The following THNSL1 variants were observed in gnomAD, a reference collection of about 807,000 sequenced individuals.
THNSL1 encodes threonine synthase-like 1.
THNSL1 carries 48 observed loss-of-function variants against 50.4 expected under a neutral mutation model. The observed-to-expected ratio is 0.95, with a 90% confidence interval of 0.76 to 1.21. The LOEUF (loss-of-function observed/expected upper bound fraction) is 1.21. Ranked by LOEUF, THNSL1 falls within the 50% of genes most tolerant of loss-of-function variation. The pLI, the probability that THNSL1 is intolerant of heterozygous loss-of-function variation, is 0.00. For synonymous variants in THNSL1, 309 were observed against 306.1 expected, an observed-to-expected ratio of 1.01 and a Z score of -0.10; for missense variants, 896 against 871.7, an observed-to-expected ratio of 1.03 and a Z score of -0.35.
the THNSL1 span, among the ~76,000 whole-genome samples, chr10:24,953,059 CG>C: frequency 6.6e-6 from 1 of 152,006 alleles, no homozygotes; most frequent in Non-Finnish European, 1.5e-5. Context: ...ATTTCATGCA[CG>C]CGATTGTCCC....
At chr10:24,983,565 A>T in the THNSL1 span, 1 of 152,340 alleles carries the variant, frequency 6.6e-6, no homozygotes, top group Non-Finnish European at 1.5e-5. Context: ...CCCTAAGTTA[A>T]TAAAGGAATA....
At chr10:24,988,651 T>A in the THNSL1 span, among the ~76,000 whole-genome samples, 1 of 75,502 alleles carries the variant, frequency 1.3e-5, no homozygotes, top group Non-Finnish European at 2.5e-5. Flanking sequence ...AAATGTAGAG[T>A]GACACAGCAT....
At chr10:24,965,249 C>A in the THNSL1 span, among the ~76,000 whole-genome samples, 5 of 152,138 alleles carry the variant, frequency 3.3e-5, no homozygotes, top group Admixed American at 3.3e-4. Context: ...ATGAGAACAA[C>A]TGCAATTGAT....
chr10:25,024,842 T>G lies in THNSL1; in HGVS notation c.1619T>G (p.Leu540Trp). The G allele has an allele frequency of 6.2e-7, 1 of 1,614,140 alleles. No individual in the cohort carries two copies. The highest frequency in any genetic ancestry group is 8.5e-7 in the Non-Finnish European group (1 of 1,180,036). The change falls in exon 3 of 3, where the codon TTG becomes TGG. Residue 540 changes from leucine (L) to tryptophan (W), a missense_variant. By Grantham distance (61) the Leu-to-Trp change is moderately conservative (BLOSUM62 -2). Transcript: ENST00000376356. ...TGTGCCTCTAATCAGAACCATGTTT[T>G]GACTGATTTTATAAAAACAGGACAT... ...FICASNQNHV[L>W]TDFIKTGHYD...
the THNSL1 span, among the ~76,000 whole-genome samples, chr10:24,986,069 G>A: frequency 6.6e-6 from 1 of 152,060 alleles, no homozygotes; most frequent in African/African-American, 2.4e-5. Flanking sequence ...GACCCTGCCT[G>A]AAAACAAAAA....
At chr10:25,004,831 T>G in the THNSL1 span, among the ~76,000 whole-genome samples, 1 of 152,244 alleles carries the variant, frequency 6.6e-6, no homozygotes, top group Non-Finnish European at 1.5e-5. Context: ...ATTAAATCTT[T>G]GCCCGTGCCT....
At chr10:24,969,241 A>G in the THNSL1 span, among the ~76,000 whole-genome samples, 1 of 152,208 alleles carries the variant, frequency 6.6e-6, no homozygotes, top group Non-Finnish European at 1.5e-5. Context: ...TCAGTCCTTA[A>G]GTAAGCCCAT....
chr10:24,960,362 C>A, the THNSL1 span, among the ~76,000 whole-genome samples: 27 of 152,154 alleles, frequency 1.8e-4, no homozygotes, highest in Non-Finnish European at 3.4e-4. Flanking sequence ...CATTAAGAGT[C>A]CTATGGGTTG....
At chr10:24,988,718 A>ATATATG in the THNSL1 span, among the ~76,000 whole-genome samples, 40 of 47,706 alleles carry the variant, frequency 8.4e-4, 2 homozygotes, top group African/African-American at 3.9e-3. Context: ...ATATATATAT[A>ATATATG]TATATATATT....
At chr10:25,020,280 A>C (rs201486928) in intron 1 of THNSL1, among the ~76,000 whole-genome samples, 7 of 82,376 alleles carry the variant, frequency 8.5e-5, no homozygotes, top group East Asian at 4.4e-4. Flanking sequence ...ATATCTATAT[A>C]TATCTACCCC....
chr10:25,003,241 G>A, the THNSL1 span, among the ~76,000 whole-genome samples: 3 of 151,294 alleles, frequency 2.0e-5, no homozygotes, highest in African/African-American at 7.3e-5. Flanking sequence ...GAGTGCAGTG[G>A]TGTTGCCCAG....
chr10:25,016,494 G>C (rs1850578771), upstream of THNSL1, among the ~76,000 whole-genome samples: 1 of 152,222 alleles, frequency 6.6e-6, no homozygotes, highest in African/African-American at 2.4e-5. Context: ...GAGGACGCAA[G>C]GCCAGCGCCG....
Position 25,025,324 on chromosome 10 carries a change from T to C in THNSL1, c.2101T>C (p.Leu701=). The C allele has an allele frequency of 1.9e-6, 3 of 1,614,182 alleles. No homozygotes were observed. Among genetic ancestry groups the C allele is most frequent in the Non-Finnish European group, 2.5e-6 (3 of 1,180,028 alleles). ...CTATTTGCTGGGTTCATACAATGCA[T>C]TACCTCCACTGCATGAGGCTTTATT... ...QLYLLGSYNA[L]PPLHEALLER... The change falls in exon 3 of 3, where the codon TTA becomes CTA. Residue 701 remains leucine (L), a synonymous_variant. Transcript: ENST00000376356.
At chr10:24,954,182 A>G in the THNSL1 span, among the ~76,000 whole-genome samples, 1 of 152,200 alleles carries the variant, frequency 6.6e-6, no homozygotes, top group African/African-American at 2.4e-5. Context: ...GAAAAGTGCT[A>G]TCATTAGGAT....
chr10:24,954,889 T>A, the THNSL1 span, among the ~76,000 whole-genome samples: 1 of 152,334 alleles, frequency 6.6e-6, no homozygotes, highest in South Asian at 2.1e-4. Context: ...GTCCAAGGCT[T>A]TATTCTTAAT....
the THNSL1 span, among the ~76,000 whole-genome samples, chr10:24,968,271 C>G: frequency 6.6e-6 from 1 of 152,142 alleles, no homozygotes; most frequent in Non-Finnish European, 1.5e-5. Flanking sequence ...TGACATCAGT[C>G]CTTCTCCAGG....
chr10:24,972,222 AC>A, the THNSL1 span, among the ~76,000 whole-genome samples: 16 of 147,494 alleles, frequency 1.1e-4, no homozygotes, highest in African/African-American at 3.5e-4. Context: ...AAAAGATTAC[AC>A]TAGGCCGGGA....
chr10:25,024,767 T>C lies in THNSL1; in HGVS notation c.1544T>C (p.Leu515Ser), dbSNP rs1244093655. ...CIPTGNFGNILAAVYAKMMGI... is the reference protein window; with the variant it reads ...CIPTGNFGNISAAVYAKMMGI... ...CCCACAGGAAACTTTGGTAACATTT[T>C]AGCAGCAGTGTATGCCAAAATGATG... The change falls in exon 3 of 3, where the codon TTA (leucine) becomes TCA (serine). Residue 515 changes from leucine to serine, a missense_variant. Transcript: ENST00000376356. 24 of 1,614,228 alleles carry C rather than the reference T, an allele frequency of 1.5e-5. No individual in the cohort carries two copies. The highest frequency in any genetic ancestry group is 1.9e-5 in the Non-Finnish European group (22 of 1,180,030).
the THNSL1 span, among the ~76,000 whole-genome samples, chr10:24,973,003 T>C: frequency 1.3e-5 from 2 of 152,162 alleles, no homozygotes; most frequent in South Asian, 4.1e-4. Context: ...ACATAAGAAA[T>C]GAGCAGCCAC....
Sources: allele counts gnomAD v4.1 joint callset (sites outside exome capture counted in the v4.1 genomes callset), GRCh38; gene constraint gnomAD v4.1.1; transcripts MANE v1.5; gene names NCBI Gene and HGNC (gene_info 2026-07-23, HGNC 2026-07-21).